The following RSPH14 variants were observed in gnomAD, a reference collection of about 807,000 sequenced individuals.
RSPH14 encodes the protein rhabdoid tumor deletion region gene 1.
A neutral mutation model predicts 26.7 loss-of-function variants in RSPH14; 20 were observed. The ratio of observed to expected loss-of-function variants is 0.75; its 90% CI spans 0.53 to 1.09. RSPH14 has a LOEUF of 1.09. Among genes scored for constraint, RSPH14 ranks in the 50% least tolerant of loss-of-function variants. The probability of loss-of-function intolerance (pLI) is 0.00; values close to 1 mark genes in which losing one functional copy is unlikely to be tolerated. For missense variants in RSPH14, 449 were observed against 457.2 expected, an observed-to-expected ratio of 0.98 and a Z score of 0.16; for synonymous variants, 177 against 189.3, an observed-to-expected ratio of 0.93 and a Z score of 0.53.
the RSPH14 span, chr22:23,162,737 C>T: frequency 5.0e-5 from 23 of 456,162 alleles, no homozygotes; most frequent in African/African-American, 2.8e-4. Flanking sequence ...CCGTAGATGG[C>T]GAGCACCTTG....
chr22:23,141,763 C>G (rs2070605788), intron 1 of RSPH14, among the ~76,000 whole-genome samples, 186 bp downstream of exon 1: 1 of 152,250 alleles, frequency 6.6e-6, no homozygotes, highest in Non-Finnish European at 1.5e-5. Context: ...TTGAGCTCCC[C>G]TCACAGGAAC....
At chr22:23,133,972 G>T in intron 4 of RSPH14, 54 bp downstream of exon 4, 2 of 1,266,692 alleles carry the variant, frequency 1.6e-6, no homozygotes, top group African/African-American at 1.5e-5. Context: ...CTGGAGAGGA[G>T]ACCGACGGAC....
At chr22:23,163,650 C>T in the RSPH14 span, 3 of 149,380 alleles carry the variant, frequency 2.0e-5, no homozygotes, top group African/African-American at 4.9e-5. Flanking sequence ...GTGTCTCCAG[C>T]AGAAGAGATG....
chr22:23,141,055 C>A (rs544496463), intron 1 of RSPH14, among the ~76,000 whole-genome samples: 2 of 152,160 alleles, frequency 1.3e-5, no homozygotes, highest in African/African-American at 4.8e-5. Context: ...TATGGCCACG[C>A]GCAGTGGCTC....
chr22:23,097,170 T>C (rs2069148428), intron 4 of RSPH14, among the ~76,000 whole-genome samples: 1 of 151,836 alleles, frequency 6.6e-6, no homozygotes, highest in Admixed American at 6.6e-5. Context: ...CCTTTGACCC[T>C]GGGGATGGGG....
At chr22:23,094,184 C>T (rs1035417942) in intron 4 of RSPH14, among the ~76,000 whole-genome samples, 32 of 151,988 alleles carry the variant, frequency 2.1e-4, no homozygotes, top group Non-Finnish European at 1.0e-4. Context: ...GGGGAGGCTG[C>T]GTGGGTCTCC....
intron 4 of RSPH14, among the ~76,000 whole-genome samples, chr22:23,091,304 A>G (rs1337235840): frequency 6.6e-6 from 1 of 152,236 alleles, no homozygotes; most frequent in African/African-American, 2.4e-5. Context: ...ACAGGGACCT[A>G]TGCATACACG....
At position 23,063,296 on chromosome 22, in the gene RSPH14, T is replaced by C. The variant is rs150997837; in HGVS notation, c.653+606A>G. Among the ~76,000 whole-genome samples, 526 of 151,306 alleles carry C rather than the reference T, an allele frequency of 3.5e-3. 1 individual carries two copies. The highest frequency in any genetic ancestry group is 0.012 in the African/African-American group (504 of 41,174). On this transcript the variant is annotated intron_variant, in intron 5 of 6. Coordinates refer to ENST00000216036, the MANE Select transcript of RSPH14 (RefSeq NM_014433.3). ...CCAGGACTTAGGGAAGGCAAGAGGG[T>C]CTCCACTAAAGAGACATAGCCACAG...
At chr22:23,105,911 G>A (rs777134012) in intron 4 of RSPH14, among the ~76,000 whole-genome samples, 13 of 152,238 alleles carry the variant, frequency 8.5e-5, no homozygotes, top group African/African-American at 2.4e-4. Flanking sequence ...AGCTTATGGG[G>A]TCAAGGTGAG....
chr22:23,117,397 C>A (rs549490514), intron 4 of RSPH14, among the ~76,000 whole-genome samples: 1 of 152,362 alleles, frequency 6.6e-6, no homozygotes, highest in East Asian at 1.9e-4. Flanking sequence ...CCAGGCTGAC[C>A]TGGGCCCTGT....
chr22:23,160,977 G>T, the RSPH14 span: 2 of 1,612,522 alleles, frequency 1.2e-6, no homozygotes, highest in Non-Finnish European at 1.7e-6. Flanking sequence ...CCGGCTCCAG[G>T]TCGGCAATGG....
At chr22:23,098,795 G>A (rs750013954) in intron 4 of RSPH14, among the ~76,000 whole-genome samples, 4 of 152,368 alleles carry the variant, frequency 2.6e-5, no homozygotes. Flanking sequence ...CCGCAGGCTG[G>A]GCTGGCCCCG....
the RSPH14 span, chr22:23,161,468 T>C: frequency 2.6e-6 from 4 of 1,567,064 alleles, no homozygotes; most frequent in African/African-American, 4.1e-5. Context: ...GGATTCCTGG[T>C]TGATGCTAAA....
chr22:23,127,051 G>A (rs1009122809), intron 4 of RSPH14, among the ~76,000 whole-genome samples: 1 of 152,170 alleles, frequency 6.6e-6, no homozygotes, highest in African/African-American at 2.4e-5. Context: ...ATCACACAAT[G>A]TGACCCCACC....
At chr22:23,162,607 CCT>C in the RSPH14 span, 2 of 455,462 alleles carry the variant, frequency 4.4e-6, no homozygotes, top group East Asian at 7.0e-5. Context: ...CATTCCCCAG[CCT>C]CTCTGCCCAG....
rs1422878611 is a variant in RSPH14, at chr22:23,140,240, A to G, written c.181T>C (p.Tyr61His). 6.2e-7 allele frequency: 1 copy of G among 1,613,842 alleles called. No homozygotes were observed. The highest frequency in any genetic ancestry group is 1.3e-5 in the African/African-American group (1 of 74,914). ...CGCTCACCTATGTTCATGGCCTTGTAGATACACTCGGGGTCATGCATGAGG... is the reference window on the plus strand; with the variant it reads ...CGCTCACCTATGTTCATGGCCTTGTGGATACACTCGGGGTCATGCATGAGG... ...CDLMHDPECI[Y>H]KAMNIGCMEN... Residue 61 changes from tyrosine to histidine, a missense_variant, in exon 2 of 7, where the codon TAC becomes CAC. Physicochemically the swap from Tyr to His is moderately conservative, Grantham distance 83. Coordinates refer to ENST00000216036, the MANE Select transcript of RSPH14 (RefSeq NM_014433.3).
chr22:23,096,126 C>T (rs1299646054), intron 4 of RSPH14: 1 of 1,612,112 alleles, frequency 6.2e-7, no homozygotes, highest in Non-Finnish European at 8.5e-7. Context: ...TTCAGCCGCT[C>T]CAGCGAGTAC....
intron 5 of RSPH14, 111 bp from the exon 6 acceptor site, chr22:23,062,056 A>G: frequency 1.6e-6 from 2 of 1,265,930 alleles, no homozygotes; most frequent in Non-Finnish European, 2.2e-6. Flanking sequence ...GGGCTACCCC[A>G]GGTAGTCCCA....
chr22:23,092,401 C>T (rs1465288061), intron 4 of RSPH14, among the ~76,000 whole-genome samples: 1 of 152,124 alleles, frequency 6.6e-6, no homozygotes, highest in East Asian at 1.9e-4. Context: ...CCCCCAAACA[C>T]AACACAGCCC....
Sources: allele counts gnomAD v4.1 joint callset (sites outside exome capture counted in the v4.1 genomes callset), GRCh38; gene constraint gnomAD v4.1.1; transcripts MANE v1.5; gene names NCBI Gene and HGNC (gene_info 2026-07-23, HGNC 2026-07-21).